The following GRM7 variants were observed in gnomAD, a reference collection of about 807,000 sequenced individuals.
GRM7 encodes the protein metabotropic glutamate receptor 7.
Under a neutral mutation model 84.5 loss-of-function variants are expected in GRM7, and 35 were observed. The ratio of observed to expected loss-of-function variants is 0.41; its 90% CI spans 0.32 to 0.55. The LOEUF (loss-of-function observed/expected upper bound fraction) is 0.55. GRM7 is among the 20% of genes least tolerant of loss of function. GRM7 has a pLI of 0.19. For synonymous variants in GRM7, 487 were observed against 455.1 expected, an observed-to-expected ratio of 1.07 and a Z score of -0.89; for missense variants, 1,003 against 1,194.6, an observed-to-expected ratio of 0.84 and a Z score of 2.36.
intron 2 of GRM7, among the ~76,000 whole-genome samples, chr3:7,192,858 A>T (rs1415322449): frequency 6.6e-6 from 1 of 152,128 alleles, no homozygotes; most frequent in Non-Finnish European, 1.5e-5. Flanking sequence ...TGTGCCTCTA[A>T]CCCTGCAATG....
At chr3:7,254,266 A>G (rs1288855146) in intron 2 of GRM7, among the ~76,000 whole-genome samples, 2 of 152,116 alleles carry the variant, frequency 1.3e-5, no homozygotes, top group Non-Finnish European at 2.9e-5. Context: ...TTTTTTTCAA[A>G]CAAACTGCCC....
rs60755031 is a variant in GRM7, at chr3:7,140,014, A to G, written c.520-6438A>G. On this transcript the variant is annotated intron_variant, in intron 1 of 9. Transcript: ENST00000357716. The stretch of plus-strand genomic sequence containing the variant: ...AAATGGGGAAAAGATCTGAATATAC[A>G]TTTCTTCAAAGGAGACCTACAAATG... Among the ~76,000 whole-genome samples, 263 of 152,164 alleles carry G rather than the reference A, an allele frequency of 1.7e-3. 8 individuals are homozygous for G. In the East Asian group the frequency reaches 0.045, roughly 26 times the overall value.
In GRM7 at chr3:6,983,540, G is replaced by A. The variant is rs764998823; in HGVS notation, c.519+121633G>A. Among the ~76,000 whole-genome samples the A allele has an allele frequency of 8.6e-5, 13 of 151,244 alleles. No individual in the cohort carries two copies. The South Asian group carries it at 1.0e-3, about 12-fold the overall frequency. On this transcript the variant is annotated intron_variant, in intron 1 of 9. Coordinates refer to ENST00000357716, the MANE Select transcript of GRM7 (RefSeq NM_000844.4). ...TTGGGTGAATTATATGTTTACTGAG[G>A]GTCTAGTTACTGTTCCTAATAATTT...
rs761470354 is a variant in GRM7, at chr3:7,631,457, A to G, written c.2452-48592A>G. On this transcript the variant is annotated intron_variant, in intron 8 of 9. Transcript: ENST00000357716. Reference sequence around the variant, plus strand: ...ATGTTAAGGACGTTACTTACTTTATATATTTTTCCTCCTTTATCCCATTCA... The same window carrying G: ...ATGTTAAGGACGTTACTTACTTTATGTATTTTTCCTCCTTTATCCCATTCA... 2.0e-5 allele frequency among the ~76,000 whole-genome samples: 3 copies of G among 152,086 alleles called. No individual in the cohort carries two copies. In the South Asian group the frequency reaches 6.2e-4, roughly 31 times the overall value.
chr3:7,377,287 C>T (rs1315594247), intron 4 of GRM7, among the ~76,000 whole-genome samples: 1 of 152,178 alleles, frequency 6.6e-6, no homozygotes. Context: ...GTGTTGAGCA[C>T]AGCCTGTGTG....
chr3:7,474,273 T>C (rs556440213), intron 7 of GRM7, among the ~76,000 whole-genome samples: 1 of 152,218 alleles, frequency 6.6e-6, no homozygotes, highest in Non-Finnish European at 1.5e-5. Flanking sequence ...ATGTCCTAAG[T>C]AGGGGCTTTA....
chr3:7,477,818 A>G (rs1042139695), intron 7 of GRM7, among the ~76,000 whole-genome samples: 1 of 152,152 alleles, frequency 6.6e-6, no homozygotes, highest in African/African-American at 2.4e-5. Context: ...GTTAAAAAGT[A>G]AAATCACACA....
intron 1 of GRM7, among the ~76,000 whole-genome samples, chr3:7,017,476 G>A (rs1695608011): frequency 6.6e-6 from 1 of 152,140 alleles, no homozygotes; most frequent in Non-Finnish European, 1.5e-5. Flanking sequence ...AGTATTGAAC[G>A]GAATAATGCA....
chr3:7,053,000 T>C (rs1697064718), intron 1 of GRM7, among the ~76,000 whole-genome samples: 3 of 151,146 alleles, frequency 2.0e-5, no homozygotes, highest in Admixed American at 6.6e-5. Context: ...TATTATTTTA[T>C]ATATTTCTAC....
intron 2 of GRM7, among the ~76,000 whole-genome samples, chr3:7,176,348 G>A (rs913389644): frequency 2.0e-5 from 3 of 151,078 alleles, no homozygotes; most frequent in Non-Finnish European, 4.4e-5. Context: ...CAGGAGGTCG[G>A]TGCTGCAGTG....
At chr3:6,956,259 T>A (rs1693042830) in intron 1 of GRM7, among the ~76,000 whole-genome samples, 1 of 152,132 alleles carries the variant, frequency 6.6e-6, no homozygotes. Context: ...TGAGGTCAAG[T>A]CTGAAGTCAA....
chr3:7,046,292 C>T (rs537459982), intron 1 of GRM7, among the ~76,000 whole-genome samples: 45 of 152,136 alleles, frequency 3.0e-4, no homozygotes, highest in African/African-American at 8.9e-4. Context: ...CTCCCAGGTA[C>T]GCTTAAAGTA....
intron 9 of GRM7, among the ~76,000 whole-genome samples, chr3:7,684,923 T>C (rs755341265): frequency 6.6e-6 from 1 of 152,222 alleles, no homozygotes; most frequent in Non-Finnish European, 1.5e-5. Context: ...TGGCCTCGTT[T>C]GAATAGCTTT....
Position 7,188,220 on chromosome 3 carries a change from G to C in GRM7, c.736+41552G>C, listed in dbSNP as rs552277316. Among the ~76,000 whole-genome samples the C allele has an allele frequency of 6.1e-4, 93 of 152,182 alleles. No homozygotes were observed. In the South Asian group the frequency reaches 0.019, roughly 32 times the overall value. On this transcript the variant is annotated intron_variant, in intron 2 of 9. Transcript: ENST00000357716. The surrounding 1 kb of genome is among the most constrained non-coding windows in gnomAD (Gnocchi z 4.2). ...TTCAGAGAATCACTGGCAGCAAGAGGGAAGATCAGCATTATCAGCCTGCAG... is the reference window on the plus strand; with the variant it reads ...TTCAGAGAATCACTGGCAGCAAGAGCGAAGATCAGCATTATCAGCCTGCAG...
chr3:7,487,851 T>C (rs1575408293), intron 7 of GRM7, among the ~76,000 whole-genome samples: 3 of 152,234 alleles, frequency 2.0e-5, no homozygotes, highest in South Asian at 4.2e-4. Flanking sequence ...CCCAGAATTG[T>C]AGAGCTCTTG....
intron 3 of GRM7, among the ~76,000 whole-genome samples, chr3:7,304,041 G>A (rs1700100175): frequency 6.6e-6 from 1 of 151,760 alleles, no homozygotes; most frequent in African/African-American, 2.4e-5. Context: ...GTGGTAATGT[G>A]CGGCCTCATA....
chr3:7,557,975 G>A (rs1693849577), intron 7 of GRM7, among the ~76,000 whole-genome samples: 1 of 152,106 alleles, frequency 6.6e-6, no homozygotes, highest in Non-Finnish European at 1.5e-5. Flanking sequence ...AAGAGAGAGT[G>A]GAGGGAGTGA....
chr3:7,354,311 G>C (rs1458133139), intron 4 of GRM7, among the ~76,000 whole-genome samples: 1 of 149,980 alleles, frequency 6.7e-6, no homozygotes, highest in Non-Finnish European at 1.5e-5. Flanking sequence ...TTAGTGTAGA[G>C]CTTATGGGGT....
chr3:7,734,151 T>C (rs992945087), intron 9 of GRM7, among the ~76,000 whole-genome samples: 15 of 150,094 alleles, frequency 1.0e-4, no homozygotes, highest in Admixed American at 3.4e-4. Flanking sequence ...ATCACTATTT[T>C]CTCCAAATAT....
Sources: gnomAD v4.1 joint callset for allele counts (sites outside exome capture counted in the v4.1 genomes callset) on GRCh38, gnomAD v4.1.1 for gene constraint, Gnocchi (gnomAD v3.1) non-coding constraint, MANE v1.5 for transcripts, NCBI Gene and HGNC (gene_info 2026-07-23, HGNC 2026-07-21) for gene names.